The following DLGAP2 variants were observed in gnomAD, a reference collection of about 807,000 sequenced individuals.
The protein encoded by DLGAP2 is disks large-associated protein 2.
Under a neutral mutation model 100.3 loss-of-function variants are expected in DLGAP2, and 26 were observed. The observed-to-expected ratio is 0.26, with a 90% CI of 0.19 to 0.36. The LOEUF is 0.36. Ranked by LOEUF, DLGAP2 falls within the 10% of genes least tolerant of loss-of-function variation. The pLI, the probability that DLGAP2 is intolerant of heterozygous loss-of-function variation, is 1.00. For missense variants in DLGAP2, 1,858 were observed against 1,453.2 expected, an observed-to-expected ratio of 1.28 and a Z score of -4.53; for synonymous variants, 886 against 630.1, an observed-to-expected ratio of 1.41 and a Z score of -6.08.
At chr8:803,340 G>A (rs1315005674) in intron 1 of DLGAP2, among the ~76,000 whole-genome samples, 1 of 151,964 alleles carries the variant, frequency 6.6e-6, no homozygotes, top group African/African-American at 2.4e-5. Context: ...ACTTACTTTT[G>A]CTTGTGGTTT....
At chr8:1,333,251 C>T (rs144941872) in intron 3 of DLGAP2, among the ~76,000 whole-genome samples, 4 of 152,196 alleles carry the variant, frequency 2.6e-5, no homozygotes, top group Non-Finnish European at 5.9e-5. Flanking sequence ...GCCAGGGGAG[C>T]AGAGCCCATG....
At chr8:1,283,200 C>A (rs936852928) in intron 3 of DLGAP2, among the ~76,000 whole-genome samples, 1 of 147,628 alleles carries the variant, frequency 6.8e-6, no homozygotes, top group African/African-American at 2.5e-5. Flanking sequence ...ACCATCCAGA[C>A]GTGGTGTGAC....
At chr8:786,191 C>G (rs894177607) in intron 1 of DLGAP2, among the ~76,000 whole-genome samples, 1 of 152,188 alleles carries the variant, frequency 6.6e-6, no homozygotes, top group Non-Finnish European at 1.5e-5. Context: ...CCTCTTCAGT[C>G]TCGGCCTCTG....
intron 2 of DLGAP2, among the ~76,000 whole-genome samples, chr8:1,075,335 C>A (rs1395510946): frequency 6.6e-6 from 1 of 152,096 alleles, no homozygotes; most frequent in Non-Finnish European, 1.5e-5. Context: ...TTGAGGCGTG[C>A]ATTGTGGGGT....
intron 2 of DLGAP2, among the ~76,000 whole-genome samples, chr8:1,195,625 C>T (rs2116741745): frequency 6.6e-6 from 1 of 152,284 alleles, no homozygotes; most frequent in African/African-American, 2.4e-5. Flanking sequence ...GTAAAAATTT[C>T]TGTAATTATT....
chr8:1,417,966 A>G (rs1370875457), intron 3 of DLGAP2, among the ~76,000 whole-genome samples: 1 of 152,252 alleles, frequency 6.6e-6, no homozygotes, highest in East Asian at 1.9e-4. Context: ...CGTGAAAAAA[A>G]AAGAATTAAA....
At chr8:1,208,065 GT>G (rs1421684546) in intron 2 of DLGAP2, among the ~76,000 whole-genome samples, 2 of 152,092 alleles carry the variant, frequency 1.3e-5, no homozygotes, top group Non-Finnish European at 1.5e-5. Context: ...AAGCTTTTTA[GT>G]TTAAGTCTCT....
At chr8:1,557,155 T>A (rs993777445) in intron 5 of DLGAP2, among the ~76,000 whole-genome samples, 9 of 152,172 alleles carry the variant, frequency 5.9e-5, no homozygotes, top group African/African-American at 2.2e-4. Flanking sequence ...CAACCAAACA[T>A]ATCTCCAGAT....
chr8:1,104,607 C>G (rs958936803), intron 2 of DLGAP2, among the ~76,000 whole-genome samples: 1 of 152,158 alleles, frequency 6.6e-6, no homozygotes, highest in African/African-American at 2.4e-5. Flanking sequence ...CTGACTCTGT[C>G]TCATTTAATC....
At chr8:1,518,605 C>G (rs1800476608) in intron 4 of DLGAP2, among the ~76,000 whole-genome samples, 3 of 152,116 alleles carry the variant, frequency 2.0e-5, no homozygotes, top group Admixed American at 6.5e-5. Context: ...GATTTCGGCC[C>G]AGACACCCTT....
intron 2 of DLGAP2, among the ~76,000 whole-genome samples, chr8:1,111,518 T>TA (rs1265645794): frequency 6.6e-6 from 1 of 152,178 alleles, no homozygotes; most frequent in East Asian, 1.9e-4. Flanking sequence ...TTAAGCCCGC[T>TA]ACTCAATAGT....
At chr8:1,199,502 C>A (rs942574616) in intron 2 of DLGAP2, among the ~76,000 whole-genome samples, 1 of 152,198 alleles carries the variant, frequency 6.6e-6, no homozygotes, top group African/African-American at 2.4e-5. Context: ...CCAGTGAAGG[C>A]TGCCTGTGTG....
At chr8:1,608,753 C>T (rs1415022357) in intron 6 of DLGAP2, among the ~76,000 whole-genome samples, 5 of 148,240 alleles carry the variant, frequency 3.4e-5, no homozygotes, top group East Asian at 4.1e-4. Flanking sequence ...GCAGAAGCCT[C>T]AGGAGCCGAT....
intron 2 of DLGAP2, among the ~76,000 whole-genome samples, chr8:938,788 A>T (rs56199868): frequency 2.6e-5 from 4 of 152,022 alleles, no homozygotes; most frequent in Non-Finnish European, 5.9e-5. Context: ...CACAGGGGCC[A>T]CGGGAGCCAG....
chr8:1,682,369 CCAG>C (rs1322428911), intron 12 of DLGAP2, among the ~76,000 whole-genome samples: 1 of 152,122 alleles, frequency 6.6e-6, no homozygotes, highest in Non-Finnish European at 1.5e-5. Flanking sequence ...TGGAGGCATT[CCAG>C]AATATTCTAT....
intron 2 of DLGAP2, among the ~76,000 whole-genome samples, chr8:1,052,079 A>G (rs141264280): frequency 1.1e-3 from 175 of 152,294 alleles, no homozygotes; most frequent in African/African-American, 4.0e-3. Flanking sequence ...TGCCAACTGC[A>G]CACTGACGTT....
At chr8:796,389 C>T (rs917492034) in intron 1 of DLGAP2, among the ~76,000 whole-genome samples, 7 of 152,028 alleles carry the variant, frequency 4.6e-5, no homozygotes, top group African/African-American at 1.5e-4. Context: ...CTGCCTTTCA[C>T]GGTACCCTCA....
intron 6 of DLGAP2, among the ~76,000 whole-genome samples, chr8:1,584,593 C>A (rs945570339): frequency 1.3e-5 from 2 of 152,190 alleles, no homozygotes; most frequent in Non-Finnish European, 2.9e-5. Context: ...AGAGCATTTG[C>A]ACTCTGATCG....
intron 2 of DLGAP2, among the ~76,000 whole-genome samples, chr8:924,720 T>C (rs1343103000): frequency 2.0e-5 from 3 of 151,992 alleles, no homozygotes; most frequent in Non-Finnish European, 4.4e-5. Context: ...GTAGCTGGGA[T>C]TACAGGCATG....
Sources: gnomAD v4.1 joint callset for allele counts (sites outside exome capture counted in the v4.1 genomes callset) on GRCh38, gnomAD v4.1.1 for gene constraint, MANE v1.5 for transcripts, NCBI Gene and HGNC (gene_info 2026-07-23, HGNC 2026-07-21) for gene names.